Variants in SNRPB observed in about 807,000 individuals in gnomAD.
SNRPB encodes small nuclear ribonucleoprotein polypeptides B and B1.
A neutral mutation model predicts 26.6 loss-of-function variants in SNRPB; 5 were observed. That is an observed-to-expected ratio of 0.19 (90% CI 0.10 to 0.39). The LOEUF is 0.39. Ranked by LOEUF, SNRPB falls within the 10% of genes least tolerant of loss-of-function variation. The pLI is 1.00. For missense variants in SNRPB, 211 were observed against 311.9 expected, an observed-to-expected ratio of 0.68 and a Z score of 2.44; for synonymous variants, 122 against 105.8, an observed-to-expected ratio of 1.15 and a Z score of -0.94.
intron 1 of SNRPB, among the ~76,000 whole-genome samples, chr20:2,469,896 T>G (rs1030332325): frequency 6.6e-6 from 1 of 152,208 alleles, no homozygotes; most frequent in Non-Finnish European, 1.5e-5. Flanking sequence ...TTGTTACCCT[T>G]CAGCCTTTGT....
intron 3 of SNRPB, among the ~76,000 whole-genome samples, chr20:2,465,482 C>A (rs2085066838): frequency 6.7e-6 from 1 of 150,198 alleles, no homozygotes; most frequent in African/African-American, 2.5e-5. Context: ...CTCCTGGGCT[C>A]AAGCTATCCT....
intron 1 of SNRPB, among the ~76,000 whole-genome samples, chr20:2,468,231 C>T (rs1424246420): frequency 6.6e-6 from 1 of 152,172 alleles, no homozygotes; most frequent in Non-Finnish European, 1.5e-5. Flanking sequence ...GGAAGGAGAT[C>T]AGCTTCAAGG....
chr20:2,470,144 C>T (rs1485716758), intron 1 of SNRPB, among the ~76,000 whole-genome samples: 2 of 152,248 alleles, frequency 1.3e-5, no homozygotes, highest in African/African-American at 4.8e-5. Context: ...CAGGCACAGG[C>T]AAACACGGAA....
rs1372113875 is a variant in SNRPB at position 2,464,028 on chromosome 20, C to T, written c.268-129G>A. 5 of 772,980 alleles carry T rather than the reference C, an allele frequency of 6.5e-6. No individual in the cohort carries two copies. The Admixed American group carries it at 7.4e-5, about 12-fold the overall frequency. The allele number at this position is 772,980 out of a possible 1,614,324, so 47.9% of individuals were successfully genotyped here. Reference sequence around the variant, plus strand: ...CTATCGAAATAGCTTATAAATACTACCTCTCCATGTGTGCCAACACCATTC... The same window carrying T: ...CTATCGAAATAGCTTATAAATACTATCTCTCCATGTGTGCCAACACCATTC... On this transcript the variant is annotated intron_variant, in intron 3 of 6. Coordinates refer to ENST00000381342, the MANE Select transcript of SNRPB (RefSeq NM_003091.4).
chr20:2,465,409 T>C, intron 3 of SNRPB, among the ~76,000 whole-genome samples: 1 of 3,184 alleles, frequency 3.1e-4, no homozygotes, highest in Admixed American at 5.6e-3. Flanking sequence ...TTTTTTGTCT[T>C]TTTTTTTTTC....
rs1298952518 is a variant in SNRPB at position 2,463,872 on chromosome 20, CAGCAAGTGGAACTCG to C, written c.280_294del (p.Arg94_Ala98del). 1 of 1,613,494 alleles carries C rather than the reference CAGCAAGTGGAACTCG, an allele frequency of 6.2e-7. No individual in the cohort carries two copies. Among genetic ancestry groups the C allele is most frequent in the Non-Finnish European group, 8.5e-7 (1 of 1,179,814 alleles). On this transcript the variant is annotated inframe_deletion, in exon 4 of 7. Transcript: ENST00000381342. The surrounding 1 kb of genome is among the most constrained non-coding windows in gnomAD (Gnocchi z 5.0). ...CCGATCCCTGGGCCCCCGGCAGCTCCAGCAAGTGGAACTCGAGCAATACCAGTCTGAAAAATAAAC... is the reference window on the plus strand; with the variant it reads ...CCGATCCCTGGGCCCCCGGCAGCTCCAGCAATACCAGTCTGAAAAATAAAC...
rs917645616 is a variant in SNRPB at position 2,470,064 on chromosome 20, T to C, written c.3+624A>G. ...ACCGAATGACCACACTGAATTATAT[T>C]ATGTGTCCCCAGCTACCTCTGTGAA... On this transcript the variant is annotated intron_variant, in intron 1 of 6. Transcript: ENST00000381342. 7.2e-5 allele frequency among the ~76,000 whole-genome samples: 11 copies of C among 152,218 alleles called. 1 individual carries two copies. Among genetic ancestry groups the C allele is most frequent in the Admixed American group, 5.9e-4 (9 of 15,278 alleles).
rs532125729 is a variant in SNRPB at position 2,468,302 on chromosome 20, G to A, written c.4-544C>T. ...TGTGCCTCCAAGACTATATTTGGCAGAGGGAAACTTCTGATGGTTAGGGTG... is the reference window on the plus strand; with the variant it reads ...TGTGCCTCCAAGACTATATTTGGCAAAGGGAAACTTCTGATGGTTAGGGTG... On this transcript the variant is annotated intron_variant, in intron 1 of 6. Coordinates refer to ENST00000381342, the MANE Select transcript of SNRPB (RefSeq NM_003091.4). Among the ~76,000 whole-genome samples the A allele has an allele frequency of 3.3e-5, 5 of 152,328 alleles. No individual in the cohort carries two copies. In the South Asian group the frequency reaches 1.0e-3, roughly 32 times the overall value.
In SNRPB at chr20:2,464,007, C is replaced by A; in HGVS notation, c.268-108G>T. On this transcript the variant is annotated intron_variant, in intron 3 of 6. Transcript: ENST00000381342. Reference sequence around the variant, plus strand: ...CCTCGAAATAGCTTATAAATACTATCGAAATAGCTTATAAATACTACCTCT... The same window carrying A: ...CCTCGAAATAGCTTATAAATACTATAGAAATAGCTTATAAATACTACCTCT... 6 of 927,308 alleles carry A rather than the reference C, an allele frequency of 6.5e-6. No homozygotes were observed. In the South Asian group the frequency reaches 8.3e-5, roughly 13 times the overall value. The allele number at this position is 927,308 out of a possible 1,614,324, so 57.4% of individuals were successfully genotyped here. A position where few individuals can be genotyped will look rare whatever the true frequency, so the allele number is the denominator to read the frequency against.
In SNRPB at chr20:2,470,745, G is replaced by A. The variant is rs2085109211; in HGVS notation, c.-55C>T. On this transcript the variant is annotated 5_prime_UTR_variant, in exon 1 of 7. Coordinates refer to ENST00000381342, the MANE Select transcript of SNRPB (RefSeq NM_003091.4). ...CCGGATTCGCCTCCTCAGAGGCCTA[G>A]CCTCTCTCCCACAGCCGATTTCCCG... 1.9e-6 allele frequency: 3 copies of A among 1,606,948 alleles called. No individual in the cohort carries two copies. Among genetic ancestry groups the A allele is most frequent in the Non-Finnish European group, 2.5e-6 (3 of 1,176,766 alleles).
At chr20:2,466,684 G>A (rs1455967759) in intron 2 of SNRPB, among the ~76,000 whole-genome samples, 1 of 152,036 alleles carries the variant, frequency 6.6e-6, no homozygotes, top group African/African-American at 2.4e-5. Flanking sequence ...ACCCTTCGGG[G>A]TATTTTAGTT....
At position 2,467,589 on chromosome 20, in the gene SNRPB, CCA is replaced by C; in HGVS notation, c.155+16_155+17del. On this transcript the variant is annotated intron_variant, in intron 2 of 6. Coordinates refer to ENST00000381342, the MANE Select transcript of SNRPB (RefSeq NM_003091.4). ...ATTCCCATCCTCCAGTCTCCGCCCCCCACAGTCCACTCCTCACTTGATCTTTC... is the reference window on the plus strand; with the variant it reads ...ATTCCCATCCTCCAGTCTCCGCCCCCCAGTCCACTCCTCACTTGATCTTTC... The C allele has an allele frequency of 6.2e-7, 1 of 1,612,110 alleles. No homozygotes were observed. The highest frequency in any genetic ancestry group is 8.5e-7 in the Non-Finnish European group (1 of 1,178,544).
chr20:2,463,394 C>G lies in SNRPB; in HGVS notation c.421-167G>C, dbSNP rs986570075. 1.3e-5 allele frequency among the ~76,000 whole-genome samples: 2 copies of G among 152,242 alleles called. No homozygotes were observed. The highest frequency in any genetic ancestry group is 3.9e-4 in the East Asian group (2 of 5,190). On this transcript the variant is annotated intron_variant, in intron 4 of 6. Transcript: ENST00000381342. This position sits in a 1 kb window ranked among gnomAD's most constrained non-coding sequence, Gnocchi z 5.0. ...TCCAAAACCACATGTCGGGAAAGAT[C>G]AAGCTTGAATGCCCAACTCCCATCT...
Position 2,467,642 on chromosome 20 carries a change from C to A in SNRPB, c.120G>T (p.Leu40Phe). The change falls in exon 2 of 7, where the codon TTG (leucine) becomes TTT (phenylalanine). Residue 40 changes from leucine (L) to phenylalanine (F), a missense_variant. Physicochemically the swap from Leu to Phe is conservative, Grantham distance 22. Transcript: ENST00000381342. ...TGAACTCATCACAGTCACAGAGGAT[C>A]AAATTCATGTGCTTGTCAAAAGCCT... is the stretch of plus-strand genomic sequence containing the variant. ...TFKAFDKHMN[L>F]ILCDCDEFRK... 6.2e-7 allele frequency: 1 copy of A among 1,614,170 alleles called. No individual in the cohort carries two copies. Among genetic ancestry groups the A allele is most frequent in the Non-Finnish European group, 8.5e-7 (1 of 1,180,026 alleles).
rs780978308 is a variant in SNRPB, at chr20:2,461,906, C to A, written c.*23G>T. On this transcript the variant is annotated 3_prime_UTR_variant, in exon 7 of 7. Transcript: ENST00000381342. ...TCGAGCCCACGCCTCTGCGGAGCTA[C>A]TTCCATACTCTGTGGCCAAGGGTCA... is the stretch of plus-strand genomic sequence containing the variant. The A allele has an allele frequency of 1.2e-6, 2 of 1,613,734 alleles. No individual in the cohort carries two copies. Among genetic ancestry groups the A allele is most frequent in the Non-Finnish European group, 1.7e-6 (2 of 1,179,892 alleles).
Position 2,463,764 on chromosome 20 carries a change from C to T in SNRPB, c.403G>A (p.Gly135Ser). The T allele has an allele frequency of 6.3e-7, 1 of 1,589,868 alleles. No homozygotes were observed. The highest frequency in any genetic ancestry group is 1.1e-5 in the South Asian group (1 of 87,896). Reference protein sequence around the residue: ...AGLAGPVRGVGGPSQQVMTPQ... With the variant: ...AGLAGPVRGVSGPSQQVMTPQ... ...CTCCTCACCTGTTGGGATGGCCCGC[C>T]AACCCCACGGACTGGCCCAGCAAGT... Residue 135 changes from glycine to serine, a missense_variant, in exon 4 of 7, where the codon GGC becomes AGC. By Grantham distance (56) the Gly-to-Ser change is moderately conservative (BLOSUM62 0). Transcript: ENST00000381342. The surrounding 1 kb of genome is among the most constrained non-coding windows in gnomAD (Gnocchi z 5.0).
chr20:2,461,698 A>G lies in SNRPB; in HGVS notation c.*231T>C. 8.1e-7 allele frequency: 1 copy of G among 1,227,474 alleles called. No homozygotes were observed. The highest frequency in any genetic ancestry group is 2.4e-5 in the East Asian group (1 of 40,932). The allele number at this position is 1,227,474 out of a possible 1,614,324, so 76.0% of individuals were successfully genotyped here. A position where few individuals can be genotyped will look rare whatever the true frequency, so the allele number is the denominator to read the frequency against. ...GTTTCATAGGCCACAAGGAGATAAA[A>G]GGACTATGTACAGCCTTACGGGAAA... On this transcript the variant is annotated 3_prime_UTR_variant, in exon 7 of 7. Coordinates refer to ENST00000381342, the MANE Select transcript of SNRPB (RefSeq NM_003091.4).
intron 6 of SNRPB, among the ~76,000 whole-genome samples, chr20:2,462,161 T>C (rs1432005921): frequency 2.0e-5 from 3 of 152,162 alleles, no homozygotes; most frequent in African/African-American, 7.2e-5. Context: ...AGTTTGCCCA[T>C]GGGTTATCTT....
intron 6 of SNRPB, 136 bp downstream of exon 6, chr20:2,462,500 T>G: frequency 1.1e-6 from 1 of 874,474 alleles, no homozygotes; most frequent in Non-Finnish European, 1.9e-6. Flanking sequence ...TGTTCCCTCT[T>G]CTCTTTCCTT....
Sources: allele counts gnomAD v4.1 joint callset (sites outside exome capture counted in the v4.1 genomes callset), GRCh38; gene constraint gnomAD v4.1.1; non-coding constraint Gnocchi (gnomAD v3.1); transcripts MANE v1.5; gene names NCBI Gene and HGNC (gene_info 2026-07-23, HGNC 2026-07-21).